Variants in SERPINI1 observed in about 807,000 individuals in gnomAD.
SERPINI1 encodes neuroserpin.
In SERPINI1, 19 loss-of-function variants were observed where a neutral mutation model predicts 41.1. That is an observed-to-expected ratio of 0.46 (90% CI 0.32 to 0.68). The LOEUF (loss-of-function observed/expected upper bound fraction) is 0.68. Ranked by LOEUF, SERPINI1 falls within the 30% of genes least tolerant of loss-of-function variation. The pLI, the probability that SERPINI1 is intolerant of heterozygous loss-of-function variation, is 0.03. For synonymous variants in SERPINI1, 138 were observed against 156.6 expected (o/e 0.88, Z 0.89); for missense variants, 460 against 479.2 (o/e 0.96, Z 0.37).
intron 3 of SERPINI1, among the ~76,000 whole-genome samples, chr3:167,791,817 G>A (rs761037852): frequency 1.3e-4 from 20 of 152,252 alleles, no homozygotes; most frequent in Non-Finnish European, 2.8e-4. Context: ...ATTTAATCAC[G>A]TACATTGTTC....
chr3:167,789,906 T>G (rs1727441430), intron 2 of SERPINI1, among the ~76,000 whole-genome samples: 1 of 152,184 alleles, frequency 6.6e-6, no homozygotes, highest in African/African-American at 2.4e-5. Flanking sequence ...ATGTTTGATT[T>G]CTATTTTAAT....
intron 3 of SERPINI1, among the ~76,000 whole-genome samples, chr3:167,790,859 G>T (rs1219685410): frequency 6.6e-6 from 1 of 151,950 alleles, no homozygotes; most frequent in Admixed American, 6.6e-5. Flanking sequence ...CTGATTGATG[G>T]GTTTCCTCTG....
intron 1 of SERPINI1, among the ~76,000 whole-genome samples, chr3:167,777,977 T>G (rs1245174220): frequency 6.6e-6 from 1 of 152,236 alleles, no homozygotes; most frequent in Admixed American, 6.5e-5. Flanking sequence ...TCTCATCTTC[T>G]CTTGCCTTTT....
intron 6 of SERPINI1, among the ~76,000 whole-genome samples, chr3:167,814,909 G>A (rs1712020412): frequency 6.9e-6 from 1 of 145,380 alleles, no homozygotes; most frequent in Non-Finnish European, 1.5e-5. Context: ...GTGGCCAGAA[G>A]GAAAAGGCTG....
chr3:167,781,159 T>C (rs1727109915), intron 1 of SERPINI1, among the ~76,000 whole-genome samples: 1 of 152,058 alleles, frequency 6.6e-6, no homozygotes, highest in Admixed American at 6.5e-5. Context: ...AATTGTGCCT[T>C]TCTCTTAGCA....
intron 1 of SERPINI1, chr3:167,736,283 G>A (rs564577118): frequency 6.6e-6 from 1 of 152,300 alleles, no homozygotes; most frequent in South Asian, 2.1e-4. Flanking sequence ...CTGTTATCCA[G>A]GGTGGTTATT....
intron 6 of SERPINI1, among the ~76,000 whole-genome samples, chr3:167,814,790 G>A (rs1361258378): frequency 2.0e-5 from 3 of 152,008 alleles, no homozygotes; most frequent in Non-Finnish European, 4.4e-5. Context: ...TTCTTCTCTG[G>A]GGGAACCTAG....
At chr3:167,772,834 CT>C (rs1726808969) in intron 1 of SERPINI1, among the ~76,000 whole-genome samples, 1 of 15,644 alleles carries the variant, frequency 6.4e-5, no homozygotes, top group Non-Finnish European at 1.1e-4. Flanking sequence ...CTCTCTCTCT[CT>C]CTCTCTCTCT....
chr3:167,802,237 C>T (rs1178774968), intron 5 of SERPINI1, among the ~76,000 whole-genome samples: 1 of 152,078 alleles, frequency 6.6e-6, no homozygotes, highest in Non-Finnish European at 1.5e-5. Context: ...ATGTCTAAAA[C>T]ACCAAAAGCA....
At chr3:167,776,541 C>T (rs1488112117) in intron 1 of SERPINI1, among the ~76,000 whole-genome samples, 1 of 152,152 alleles carries the variant, frequency 6.6e-6, no homozygotes, top group Non-Finnish European at 1.5e-5. Flanking sequence ...GCTAAGGACA[C>T]ATGTTTTGTG....
At chr3:167,803,940 T>C (rs904951343) in intron 5 of SERPINI1, among the ~76,000 whole-genome samples, 2 of 152,242 alleles carry the variant, frequency 1.3e-5, no homozygotes, top group Admixed American at 6.5e-5. Flanking sequence ...ATATCTGTTT[T>C]ATGCTCTTGC....
At chr3:167,820,668 G>A (rs1374422186) in intron 6 of SERPINI1, among the ~76,000 whole-genome samples, 1 of 152,098 alleles carries the variant, frequency 6.6e-6, no homozygotes, top group East Asian at 1.9e-4. Context: ...CTCAGTGCAG[G>A]CCTGCAGGCG....
chr3:167,738,429 C>A (rs1725555601), intron 1 of SERPINI1, among the ~76,000 whole-genome samples: 1 of 151,942 alleles, frequency 6.6e-6, no homozygotes, highest in Non-Finnish European at 1.5e-5. Context: ...GCATGCAGCA[C>A]AAAAGAGCAA....
intron 1 of SERPINI1, among the ~76,000 whole-genome samples, chr3:167,786,792 A>T (rs967619768): frequency 6.6e-6 from 1 of 152,126 alleles, no homozygotes; most frequent in African/African-American, 2.4e-5. Flanking sequence ...TGTTTAAAAA[A>T]CTTTTTGACC....
intron 1 of SERPINI1, among the ~76,000 whole-genome samples, chr3:167,782,772 G>A (rs1727179179): frequency 6.6e-6 from 1 of 152,168 alleles, no homozygotes; most frequent in South Asian, 2.1e-4. Flanking sequence ...TCATGAAGGA[G>A]ACGAAAATAG....
intron 1 of SERPINI1, among the ~76,000 whole-genome samples, chr3:167,762,971 G>A (rs1726435142): frequency 6.6e-6 from 1 of 152,086 alleles, no homozygotes; most frequent in Admixed American, 6.5e-5. Context: ...GGACTTTGGA[G>A]CCAGACCTGA....
intron 5 of SERPINI1, among the ~76,000 whole-genome samples, chr3:167,801,098 A>G (rs1727885095): frequency 6.6e-6 from 1 of 152,222 alleles, no homozygotes; most frequent in African/African-American, 2.4e-5. Context: ...GATTACAGGC[A>G]TGGGCCACTG....
intron 1 of SERPINI1, among the ~76,000 whole-genome samples, chr3:167,788,371 C>A (rs1727380781): frequency 6.6e-6 from 1 of 152,108 alleles, no homozygotes; most frequent in South Asian, 2.1e-4. Flanking sequence ...AATAGAAACA[C>A]CAGTTTGTTT....
At chr3:167,824,088 G>C (rs565250959) in intron 7 of SERPINI1, among the ~76,000 whole-genome samples, 95 of 152,218 alleles carry the variant, frequency 6.2e-4, no homozygotes, top group Non-Finnish European at 1.2e-3. Context: ...TTCAGTTTTT[G>C]TTTGGGGATT....
Sources: gnomAD v4.1 joint callset for allele counts (sites outside exome capture counted in the v4.1 genomes callset) on GRCh38, gnomAD v4.1.1 for gene constraint, MANE v1.5 for transcripts, NCBI Gene and HGNC (gene_info 2026-07-23, HGNC 2026-07-21) for gene names.